The following UBE2K variants were observed in gnomAD, a reference collection of about 807,000 sequenced individuals.
The protein encoded by UBE2K is ubiquitin-conjugating enzyme E2 K.
A neutral mutation model predicts 30.0 loss-of-function variants in UBE2K; 6 were observed. The ratio of observed to expected loss-of-function variants is 0.20; its 90% confidence interval spans 0.11 to 0.39. The LOEUF is 0.39. Ranked by LOEUF, UBE2K falls within the 10% of genes least tolerant of loss-of-function variation. The pLI is 1.00. For synonymous variants in UBE2K, 86 were observed against 83.7 expected, an observed-to-expected ratio of 1.03 and a Z score of -0.15; for missense variants, 61 against 241.6, an observed-to-expected ratio of 0.25 and a Z score of 4.96.
intron 4 of UBE2K, among the ~76,000 whole-genome samples, chr4:39,762,864 C>T (rs1254162278): frequency 6.6e-6 from 1 of 150,906 alleles, no homozygotes; most frequent in Non-Finnish European, 1.5e-5. Flanking sequence ...GAACTCCTGA[C>T]CTCATGATCT....
chr4:39,699,302 A>C (rs541711183), intron 1 of UBE2K, among the ~76,000 whole-genome samples: 3 of 152,304 alleles, frequency 2.0e-5, no homozygotes, highest in South Asian at 4.1e-4. Context: ...CCTCATAGTT[A>C]ACTTGATTCT....
chr4:39,773,617 G>A (rs1713070978), intron 4 of UBE2K, among the ~76,000 whole-genome samples: 1 of 151,754 alleles, frequency 6.6e-6, no homozygotes, highest in Non-Finnish European at 1.5e-5. Context: ...AAATAAGTGA[G>A]TGGATAAAAC....
chr4:39,751,571 C>T (rs1475021221), intron 3 of UBE2K, among the ~76,000 whole-genome samples: 1 of 152,150 alleles, frequency 6.6e-6, no homozygotes, highest in Non-Finnish European at 1.5e-5. Flanking sequence ...CCCAACTACT[C>T]AGGAGGCTGA....
At position 39,759,770 on chromosome 4, in the gene UBE2K, G is replaced by A. The variant is rs1031447374; in HGVS notation, c.299+4031G>A. Among the ~76,000 whole-genome samples, 15 of 152,278 alleles carry A rather than the reference G, an allele frequency of 9.9e-5. No individual in the cohort carries two copies. The South Asian group carries it at 1.9e-3, about 19-fold the overall frequency. On this transcript the variant is annotated intron_variant, in intron 4 of 6. Transcript: ENST00000261427. ...ACAGGCACAGAATATCTGCCTGGTC[G>A]ATAAGGTATGCTCAGCATCATTACT... is the stretch of plus-strand genomic sequence containing the variant.
chr4:39,746,103 A>G (rs1720975902), intron 3 of UBE2K, among the ~76,000 whole-genome samples: 1 of 152,106 alleles, frequency 6.6e-6, no homozygotes, highest in Admixed American at 6.6e-5. Flanking sequence ...TCCCAAATTT[A>G]GAGAGCCCTT....
rs549523464 is a variant in UBE2K, at chr4:39,745,603, C to T, written c.158-149C>T. 6.7e-6 allele frequency: 4 copies of T among 594,930 alleles called. No homozygotes were observed. The South Asian group carries it at 7.3e-5, about 11-fold the overall frequency. The allele number at this position is 594,930 out of a possible 1,614,324, so 36.9% of individuals were successfully genotyped here. A position where few individuals can be genotyped will look rare whatever the true frequency, so the allele number is the denominator to read the frequency against. On this transcript the variant is annotated intron_variant, in intron 2 of 6. Transcript: ENST00000261427. ...ACAACCTTTAAATTAAAAACTAGTG[C>T]TTTTGATTACTTTCTTTCTGGATTT...
chr4:39,720,229 T>G, intron 1 of UBE2K, among the ~76,000 whole-genome samples: 1 of 152,162 alleles, frequency 6.6e-6, no homozygotes, highest in Admixed American at 6.6e-5. Context: ...GGATTTCTGT[T>G]GCATGTAAGT....
At position 39,750,299 on chromosome 4, in the gene UBE2K, G is replaced by A. The variant is rs114562288; in HGVS notation, c.216+4489G>A. Among the ~76,000 whole-genome samples, 755 of 152,328 alleles carry A rather than the reference G, an allele frequency of 5.0e-3. 13 individuals carry two copies. The highest frequency in any genetic ancestry group is 0.017 in the African/African-American group (726 of 41,578). On this transcript the variant is annotated intron_variant, in intron 3 of 6. Coordinates refer to ENST00000261427, the MANE Select transcript of UBE2K (RefSeq NM_005339.5). ...TATGAACTCACATCTACAATGAAGTGGGAGCTGAAGTGTTAAACTAAAGAG... is the reference window on the plus strand; with the variant it reads ...TATGAACTCACATCTACAATGAAGTAGGAGCTGAAGTGTTAAACTAAAGAG...
At chr4:39,770,444 C>G in intron 4 of UBE2K, 6 of 1,611,902 alleles carry the variant, frequency 3.7e-6, no homozygotes, top group Non-Finnish European at 4.2e-6. Context: ...GGAACACTTC[C>G]GGGCACTTGG....
At chr4:39,701,745 A>G (rs1245080926) in intron 1 of UBE2K, among the ~76,000 whole-genome samples, 1 of 151,062 alleles carries the variant, frequency 6.6e-6, no homozygotes, top group Non-Finnish European at 1.5e-5. Flanking sequence ...ATGTACTTGA[A>G]TTTCTTTCTT....
At chr4:39,717,207 C>T (rs961187839) in intron 1 of UBE2K, among the ~76,000 whole-genome samples, 2 of 151,582 alleles carry the variant, frequency 1.3e-5, no homozygotes, top group African/African-American at 4.8e-5. Flanking sequence ...TATTTTTCTG[C>T]CTTCAGTCTC....
At chr4:39,707,552 G>A (rs911199038) in intron 1 of UBE2K, among the ~76,000 whole-genome samples, 20 of 131,028 alleles carry the variant, frequency 1.5e-4, no homozygotes, top group Middle Eastern at 3.9e-3. Context: ...TTTTTTTTTT[G>A]AGATGGGGTC....
intron 1 of UBE2K, among the ~76,000 whole-genome samples, chr4:39,723,362 CTTTTTT>C (rs529806724): frequency 5.0e-4 from 54 of 108,328 alleles, no homozygotes; most frequent in East Asian, 8.1e-4. Context: ...GCTGTCTTCT[CTTTTTT>C]TTTTTTTTTT....
chr4:39,742,039 A>C (rs1720729631), intron 2 of UBE2K, among the ~76,000 whole-genome samples: 1 of 152,172 alleles, frequency 6.6e-6, no homozygotes, highest in South Asian at 2.1e-4. Context: ...TAAGGGATAG[A>C]AATAAGATTT....
chr4:39,737,295 G>T (rs930754776), intron 1 of UBE2K, 125 bp from the exon 2 acceptor site: 5 of 496,694 alleles, frequency 1.0e-5, no homozygotes, highest in Non-Finnish European at 1.4e-5. Context: ...GAAAAGCCGA[G>T]ACTTATTTTA....
rs544885357 is a variant in UBE2K at position 39,758,592 on chromosome 4, C to T, written c.299+2853C>T. 4.6e-5 allele frequency among the ~76,000 whole-genome samples: 7 copies of T among 152,012 alleles called. No individual in the cohort carries two copies. The East Asian group carries it at 9.7e-4, about 21-fold the overall frequency. ...ACTTGGGAGGCTGAGGCAGGAGAAT[C>T]GCTTGAACCTGGGAGGCGGAAGTTG... On this transcript the variant is annotated intron_variant, in intron 4 of 6. Coordinates refer to ENST00000261427, the MANE Select transcript of UBE2K (RefSeq NM_005339.5).
At chr4:39,761,177 A>T (rs1476504203) in intron 4 of UBE2K, 1 of 152,100 alleles carries the variant, frequency 6.6e-6, no homozygotes, top group Non-Finnish European at 1.5e-5. Flanking sequence ...GCCTAAGGAG[A>T]CGTGAACCAG....
At chr4:39,723,716 C>G (rs1719563761) in intron 1 of UBE2K, among the ~76,000 whole-genome samples, 1 of 152,088 alleles carries the variant, frequency 6.6e-6, no homozygotes, top group Non-Finnish European at 1.5e-5. Context: ...CTCAGAATGT[C>G]TTTGTAATTT....
intron 4 of UBE2K, among the ~76,000 whole-genome samples, chr4:39,762,936 CTTTTTTTTTTTTTTT>C (rs869207095): frequency 3.8e-5 from 3 of 78,652 alleles, no homozygotes; most frequent in African/African-American, 4.8e-5. Flanking sequence ...CCAAAAAACA[CTTTTTTTTTTTTTTT>C]TTTTTTTTTT....
Sources: gnomAD v4.1 joint callset for allele counts (sites outside exome capture counted in the v4.1 genomes callset) on GRCh38, gnomAD v4.1.1 for gene constraint, MANE v1.5 for transcripts, NCBI Gene and HGNC (gene_info 2026-07-23, HGNC 2026-07-21) for gene names.